Variants in GALK2 observed in about 807,000 individuals in gnomAD.
GALK2 encodes N-acetylgalactosamine kinase.
Under a neutral mutation model 52.4 loss-of-function variants are expected in GALK2, and 36 were observed. The ratio of observed to expected loss-of-function variants is 0.69; its 90% CI spans 0.53 to 0.91. GALK2 has a LOEUF of 0.91. GALK2 is among the 40% of genes least tolerant of loss of function. The pLI is 0.00. For missense variants in GALK2, 579 were observed against 559.1 expected (o/e 1.04, Z -0.36); for synonymous variants, 176 against 199.1 (o/e 0.88, Z 0.98).
intron 4 of GALK2, 77 bp downstream of exon 4, chr15:49,236,018 A>T: frequency 1.2e-6 from 1 of 863,880 alleles, no homozygotes; most frequent in Non-Finnish European, 1.9e-6. Context: ...TATTTACTAC[A>T]TCTTTTTCAT....
chr15:49,224,714 T>A (rs2090028666), intron 3 of GALK2, among the ~76,000 whole-genome samples: 2 of 152,202 alleles, frequency 1.3e-5, no homozygotes, highest in Admixed American at 1.3e-4. Flanking sequence ...GTACCAATAC[T>A]ATGCTGTTTT....
At chr15:49,259,253 A>G (rs1346700274) in intron 5 of GALK2, among the ~76,000 whole-genome samples, 1 of 151,550 alleles carries the variant, frequency 6.6e-6, no homozygotes, top group Admixed American at 6.6e-5. Flanking sequence ...TTAGTTACAT[A>G]TGTATACATG....
chr15:49,355,014 C>G (rs1314118468), intron 3 of GALK2, among the ~76,000 whole-genome samples: 2 of 151,526 alleles, frequency 1.3e-5, no homozygotes, highest in African/African-American at 4.9e-5. Context: ...CTCCAACAGA[C>G]CTGCAGCTGA....
rs551044520 is a variant in GALK2, at chr15:49,252,432, C to A, written c.504+13065C>A. On this transcript the variant is annotated intron_variant, in intron 5 of 9. Coordinates refer to ENST00000560031, the MANE Select transcript of GALK2 (RefSeq NM_002044.4). Reference sequence around the variant, plus strand: ...CTAATATACGGTCATACTATAATGCCCAATTATAGATTTTGGTGTGATGGT... The same window carrying A: ...CTAATATACGGTCATACTATAATGCACAATTATAGATTTTGGTGTGATGGT... 2.0e-5 allele frequency among the ~76,000 whole-genome samples: 3 copies of A among 152,126 alleles called. No individual in the cohort carries two copies. In the South Asian group the frequency reaches 6.2e-4, roughly 32 times the overall value.
At chr15:49,194,561 T>A (rs1265917661) in intron 1 of GALK2, among the ~76,000 whole-genome samples, 1 of 151,982 alleles carries the variant, frequency 6.6e-6, no homozygotes, top group African/African-American at 2.4e-5. Flanking sequence ...CTTTTTTTAG[T>A]GTTTTGCCCA....
chr15:49,295,579 C>T (rs1164308774), intron 8 of GALK2, among the ~76,000 whole-genome samples: 1 of 152,054 alleles, frequency 6.6e-6, no homozygotes, highest in Non-Finnish European at 1.5e-5. Flanking sequence ...AGAGGCTTAC[C>T]ATTACCTAAT....
intron 3 of GALK2, chr15:49,225,170 T>A: frequency 2.2e-6 from 1 of 455,498 alleles, no homozygotes; most frequent in Non-Finnish European, 4.4e-6. Flanking sequence ...CCGCCTCTGA[T>A]CACTGGCACT....
At chr15:49,323,007 T>C (rs1426511014) in intron 9 of GALK2, among the ~76,000 whole-genome samples, 1 of 138,808 alleles carries the variant, frequency 7.2e-6, no homozygotes, top group Non-Finnish European at 1.6e-5. Flanking sequence ...TGGAAAGTAA[T>C]GAGGCAAGAA....
intron 9 of GALK2, among the ~76,000 whole-genome samples, chr15:49,323,721 G>T (rs1176353733): frequency 6.6e-6 from 1 of 152,194 alleles, no homozygotes; most frequent in Non-Finnish European, 1.5e-5. Context: ...CAAGTGGAGA[G>T]AAGGGGGGTT....
intron 2 of GALK2, among the ~76,000 whole-genome samples, chr15:49,214,684 A>C (rs1450403212): frequency 1.3e-5 from 2 of 152,038 alleles, no homozygotes; most frequent in Admixed American, 1.3e-4. Context: ...TTTTATGCTC[A>C]GAAAGCTGTT....
intron 3 of GALK2, among the ~76,000 whole-genome samples, chr15:49,352,813 C>T (rs1268304364): frequency 6.6e-6 from 1 of 152,146 alleles, no homozygotes; most frequent in African/African-American, 2.4e-5. Flanking sequence ...AGTTCCCTAT[C>T]TTGCAAAGCC....
chr15:49,239,516 T>C (rs76790767), intron 5 of GALK2, 149 bp downstream of exon 5: 1 of 681,094 alleles, frequency 1.5e-6, no homozygotes. Context: ...TAACAAGTGA[T>C]AAATCACTAT....
intron 5 of GALK2, among the ~76,000 whole-genome samples, chr15:49,272,433 G>A (rs899589418): frequency 1.3e-5 from 2 of 152,118 alleles, no homozygotes; most frequent in Non-Finnish European, 2.9e-5. Flanking sequence ...TAATATGCAT[G>A]CAGATCACCT....
chr15:49,164,203 G>T (rs546121869), intron 1 of GALK2, among the ~76,000 whole-genome samples: 27 of 152,268 alleles, frequency 1.8e-4, no homozygotes, highest in African/African-American at 6.5e-4. Context: ...TGCTAATACA[G>T]TATGATTAAG....
At chr15:49,274,506 C>T (rs2031314412) in intron 5 of GALK2, among the ~76,000 whole-genome samples, 1 of 152,174 alleles carries the variant, frequency 6.6e-6, no homozygotes, top group Admixed American at 6.5e-5. Flanking sequence ...AGGCGCAGGA[C>T]ATGACTGTAC....
intron 6 of GALK2, among the ~76,000 whole-genome samples, chr15:49,283,336 C>T (rs971560573): frequency 6.6e-6 from 1 of 152,184 alleles, no homozygotes; most frequent in African/African-American, 2.4e-5. Flanking sequence ...ATTTGTCTGT[C>T]TACTAGACTG....
intron 5 of GALK2, among the ~76,000 whole-genome samples, chr15:49,273,197 C>T (rs1432319656): frequency 6.6e-6 from 1 of 152,182 alleles, no homozygotes; most frequent in African/African-American, 2.4e-5. Context: ...AGCATGAGTG[C>T]TTAATGCAAA....
intron 1 of GALK2, among the ~76,000 whole-genome samples, chr15:49,187,955 T>A (rs946222489): frequency 6.6e-6 from 1 of 152,072 alleles, no homozygotes; most frequent in Non-Finnish European, 1.5e-5. Context: ...GTACCCATGC[T>A]TCAGGACAAA....
intron 1 of GALK2, 41 bp from the exon 2 acceptor site, chr15:49,201,121 C>T (rs1375001282): frequency 1.9e-6 from 2 of 1,069,456 alleles, no homozygotes; most frequent in Admixed American, 1.7e-5. Flanking sequence ...TACGGATTTT[C>T]TGTTATATGA....
Sources: allele counts gnomAD v4.1 joint callset (sites outside exome capture counted in the v4.1 genomes callset), GRCh38; gene constraint gnomAD v4.1.1; transcripts MANE v1.5; gene names NCBI Gene and HGNC (gene_info 2026-07-23, HGNC 2026-07-21).